Variants in HLCS observed in about 807,000 individuals in gnomAD.
HLCS encodes the protein biotin--protein ligase.
In HLCS, 53 loss-of-function variants were observed where a neutral mutation model predicts 75.0. The ratio of observed to expected loss-of-function variants is 0.71; its 90% CI spans 0.57 to 0.89. HLCS has a LOEUF of 0.89. Among genes scored for constraint, HLCS ranks in the 40% least tolerant of loss-of-function variants. HLCS has a pLI of 0.00. For missense variants in HLCS, 966 were observed against 1,074.0 expected (o/e 0.90, Z 1.41); for synonymous variants, 431 against 428.6 (o/e 1.01, Z -0.07).
upstream of HLCS, among the ~76,000 whole-genome samples, chr21:36,968,216 T>C (rs551487483): frequency 3.3e-5 from 5 of 152,244 alleles, no homozygotes; most frequent in East Asian, 9.6e-4. Context: ...CTCAAACTCC[T>C]GGTCTCGAGC....
intron 4 of HLCS, among the ~76,000 whole-genome samples, chr21:36,931,830 T>C (rs1430948188): frequency 6.6e-6 from 1 of 152,168 alleles, no homozygotes; most frequent in Non-Finnish European, 1.5e-5. Context: ...CAAAGTCATT[T>C]TGTTATGATG....
intron 6 of HLCS, among the ~76,000 whole-genome samples, chr21:36,845,831 TCTTC>T (rs2062778831): frequency 6.6e-6 from 1 of 152,056 alleles, no homozygotes; most frequent in African/African-American, 2.4e-5. Context: ...GCCTGGCCTA[TCTTC>T]CTTCCTATGA....
intron 6 of HLCS, among the ~76,000 whole-genome samples, chr21:36,881,462 T>C (rs1601610798): frequency 6.6e-6 from 1 of 152,252 alleles, no homozygotes; most frequent in East Asian, 1.9e-4. Context: ...CGTGGGAAGC[T>C]GGGAAGCACG....
At chr21:36,781,679 T>C (rs1195872385) in intron 6 of HLCS, among the ~76,000 whole-genome samples, 2 of 152,192 alleles carry the variant, frequency 1.3e-5, no homozygotes, top group African/African-American at 4.8e-5. Flanking sequence ...TTTTACTTCT[T>C]TTTCAATGAT....
intron 2 of HLCS, among the ~76,000 whole-genome samples, chr21:36,942,793 C>T (rs1034969924): frequency 6.6e-6 from 1 of 151,758 alleles, no homozygotes; most frequent in South Asian, 2.1e-4. Flanking sequence ...GTAAGGCACC[C>T]GGCAAAGGCA....
intron 6 of HLCS, among the ~76,000 whole-genome samples, chr21:36,844,876 A>G (rs1037781952): frequency 6.6e-6 from 1 of 152,220 alleles, no homozygotes; most frequent in African/African-American, 2.4e-5. Flanking sequence ...TTTGGTGGGC[A>G]GCAGCAGTGG....
In HLCS at chr21:36,754,373, G is replaced by A. The variant is rs1178458399; in HGVS notation, c.2495C>T (p.Ser832Phe). ...HLGSAEGPKV[S>F]IVGLDDSGFL... is the part of the protein sequence containing the mutation. ...GCCAGAATCGTCCAGGCCAACGATGGACACCTTTGGTCCCTCTGCGCTGCC... is the reference window on the plus strand; with the variant it reads ...GCCAGAATCGTCCAGGCCAACGATGAACACCTTTGGTCCCTCTGCGCTGCC... The change falls in exon 11 of 11, where the codon TCC (serine) becomes TTC (phenylalanine). Residue 832 changes from serine to phenylalanine, a missense_variant. By Grantham distance (155) the Ser-to-Phe change is radical (BLOSUM62 -2). Transcript: ENST00000674895. The A allele has an allele frequency of 1.2e-6, 2 of 1,613,792 alleles. No individual in the cohort carries two copies. The highest frequency in any genetic ancestry group is 1.3e-5 in the African/African-American group (1 of 74,926).
intron 5 of HLCS, among the ~76,000 whole-genome samples, chr21:36,926,648 C>G (rs776706426): frequency 2.0e-5 from 3 of 151,528 alleles, no homozygotes; most frequent in African/African-American, 7.3e-5. Context: ...TTGGAAAATA[C>G]AGAGAAAGTT....
rs117093426 is a variant in HLCS, at chr21:36,899,969, G to A, written c.1621-2838C>T. Among the ~76,000 whole-genome samples, 1,006 of 152,130 alleles carry A rather than the reference G, an allele frequency of 6.6e-3. 65 individuals carry two copies. In the East Asian group the frequency reaches 0.13, roughly 19 times the overall value. ...AAATACAAAAAATTAGCCATGCATC[G>A]TGGTGGGTGCCTGTAATCCCGGCTA... On this transcript the variant is annotated intron_variant, in intron 5 of 10. Transcript: ENST00000674895.
chr21:36,823,610 GGTGTGTGTGTGTGT>G (rs59724760), intron 6 of HLCS, among the ~76,000 whole-genome samples: 10 of 132,726 alleles, frequency 7.5e-5, no homozygotes, highest in East Asian at 2.7e-4. Context: ...AAACGTGCAG[GGTGTGTGTGTGTGT>G]GTGTGTGTGT....
chr21:36,858,944 C>A (rs1361099061), intron 6 of HLCS, among the ~76,000 whole-genome samples: 1 of 152,206 alleles, frequency 6.6e-6, no homozygotes, highest in Non-Finnish European at 1.5e-5. Context: ...TGGGGCAGGA[C>A]TTCCTACCAG....
Position 36,752,440 on chromosome 21 carries a change from C to G in HLCS, c.*1806G>C, listed in dbSNP as rs922864317. The G allele has an allele frequency of 6.6e-6, 1 of 152,520 alleles. No individual in the cohort carries two copies. 9.4% of individuals were successfully genotyped at this position (152,520 alleles called of 1,614,324 possible). A position where few individuals can be genotyped will look rare whatever the true frequency, so the allele number is the denominator to read the frequency against. Reference sequence around the variant, plus strand: ...TGATGATGGCAGCTCTGAGAGAGGGCTTGCCTTATATTACAAAGTCTGAGA... The same window carrying G: ...TGATGATGGCAGCTCTGAGAGAGGGGTTGCCTTATATTACAAAGTCTGAGA... On this transcript the variant is annotated 3_prime_UTR_variant, in exon 11 of 11. Transcript: ENST00000674895.
chr21:36,778,060 C>T (rs1256656883), intron 6 of HLCS, among the ~76,000 whole-genome samples: 1 of 152,162 alleles, frequency 6.6e-6, no homozygotes, highest in African/African-American at 2.4e-5. Context: ...GCTCCACCTC[C>T]CGGGTTCACA....
At position 36,896,684 on chromosome 21, in the gene HLCS, C is replaced by T. The variant is rs980457497; in HGVS notation, c.1892+176G>A. ...AAAAAACAAACCTGTGATCAAAGAA[C>T]TTCAATTTCCTTTCCCACGATTTAA... On this transcript the variant is annotated intron_variant, in intron 6 of 10. Coordinates refer to ENST00000674895, the MANE Select transcript of HLCS (RefSeq NM_001352514.2). 3 of 695,964 alleles carry T rather than the reference C, an allele frequency of 4.3e-6. No homozygotes were observed. In the East Asian group the frequency reaches 8.2e-5, roughly 19 times the overall value. The allele number at this position is 695,964 out of a possible 1,614,324, so 43.1% of individuals were successfully genotyped here. A position where few individuals can be genotyped will look rare whatever the true frequency, so the allele number is the denominator to read the frequency against.
intron 5 of HLCS, among the ~76,000 whole-genome samples, chr21:36,907,760 G>C (rs1226418305): frequency 1.3e-5 from 2 of 152,128 alleles, no homozygotes; most frequent in Non-Finnish European, 2.9e-5. Flanking sequence ...CAAAGGACTT[G>C]TATCCGGAAT....
chr21:36,889,945 T>A (rs908981741), intron 6 of HLCS, among the ~76,000 whole-genome samples: 3 of 152,138 alleles, frequency 2.0e-5, no homozygotes, highest in Non-Finnish European at 4.4e-5. Flanking sequence ...ATCCCCATAA[T>A]CCCCAGGTGC....
Position 36,754,025 on chromosome 21 carries a change from T to C in HLCS, c.*221A>G, listed in dbSNP as rs1601085582. ...CAATTTCCCACCTGTGGGAGGGCTT[T>C]CCCTAAACTAAATTTTCTACTTCTT... On this transcript the variant is annotated 3_prime_UTR_variant, in exon 11 of 11. Coordinates refer to ENST00000674895, the MANE Select transcript of HLCS (RefSeq NM_001352514.2). 1 of 597,400 alleles carries C rather than the reference T, an allele frequency of 1.7e-6. No individual in the cohort carries two copies. Among genetic ancestry groups the C allele is most frequent in the East Asian group, 2.8e-5 (1 of 35,126 alleles). 37.0% of individuals were successfully genotyped at this position (597,400 alleles called of 1,614,324 possible). A position where few individuals can be genotyped will look rare whatever the true frequency, so the allele number is the denominator to read the frequency against.
intron 8 of HLCS, among the ~76,000 whole-genome samples, chr21:36,763,472 A>T (rs1015151501): frequency 3.9e-5 from 6 of 152,228 alleles, no homozygotes; most frequent in African/African-American, 1.4e-4. Context: ...ATGTGATGTA[A>T]TACAGGAAAC....
chr21:36,791,524 C>T (rs752830360), intron 6 of HLCS, among the ~76,000 whole-genome samples: 10 of 152,196 alleles, frequency 6.6e-5, no homozygotes, highest in African/African-American at 9.6e-5. Flanking sequence ...AAATCATTTT[C>T]CCTCCTGGGA....
Sources: gnomAD v4.1 joint callset for allele counts (sites outside exome capture counted in the v4.1 genomes callset) on GRCh38, gnomAD v4.1.1 for gene constraint, MANE v1.5 for transcripts, NCBI Gene and HGNC (gene_info 2026-07-23, HGNC 2026-07-21) for gene names.